The following ZFP90 variants were observed in gnomAD, a reference collection of about 807,000 sequenced individuals.
ZFP90 encodes ZFP90 zinc finger protein, also known as zinc finger protein 90 homolog.
A neutral mutation model predicts 60.8 loss-of-function variants in ZFP90; 38 were observed. The observed-to-expected ratio is 0.62, with a 90% CI of 0.48 to 0.82. ZFP90 has a LOEUF of 0.82. Ranked by LOEUF, ZFP90 falls within the 40% of genes least tolerant of loss-of-function variation. The pLI, the probability that ZFP90 is intolerant of heterozygous loss-of-function variation, is 0.00. For missense variants in ZFP90, 711 were observed against 759.1 expected (o/e 0.94, Z 0.74); for synonymous variants, 287 against 264.8 (o/e 1.08, Z -0.82).
downstream of ZFP90, among the ~76,000 whole-genome samples, chr16:68,569,136 C>T (rs1254328345): frequency 5.7e-5 from 7 of 123,038 alleles, no homozygotes; most frequent in South Asian, 2.5e-4. Context: ...ATTAGTCCCA[C>T]TTTTTTTTTT....
At position 68,566,616 on chromosome 16, in the gene ZFP90, A is replaced by C. The variant is rs563794355; in HGVS notation, c.*1918A>C. The stretch of plus-strand genomic sequence containing the variant: ...GCAGATCTGCCCTTCTGAGATGCTG[A>C]CCATCCAAAACACCTTGTTTATGGT... On this transcript the variant is annotated 3_prime_UTR_variant, in exon 5 of 5. Coordinates refer to ENST00000563169, the MANE Select transcript of ZFP90 (RefSeq NM_001305203.2). 1.0e-6 allele frequency: 1 copy of C among 985,438 alleles called. No homozygotes were observed. The highest frequency in any genetic ancestry group is 1.2e-6 in the Non-Finnish European group (1 of 829,946). 61.0% of individuals were successfully genotyped at this position (985,438 alleles called of 1,614,324 possible). A position where few individuals can be genotyped will look rare whatever the true frequency, so the allele number is the denominator to read the frequency against.
chr16:68,539,541 C>A, intron 1 of ZFP90, 62 bp downstream of exon 1: 1 of 488,356 alleles, frequency 2.0e-6, no homozygotes, highest in East Asian at 3.5e-5. Context: ...CCTCGCCCAC[C>A]ACCCTGCGAA....
At position 68,539,424 on chromosome 16, in the gene ZFP90, C is replaced by T. The variant is rs372296558; in HGVS notation, c.-91C>T. ...CGGGGGCGGGAGGAGCTGCCCGAGG[C>T]TCTGGGTGGGCCGGAGGTCGCGAAA... On this transcript the variant is annotated 5_prime_UTR_variant, in exon 1 of 5. Coordinates refer to ENST00000563169, the MANE Select transcript of ZFP90 (RefSeq NM_001305203.2). 6.0e-6 allele frequency: 2 copies of T among 331,770 alleles called. No homozygotes were observed. Among genetic ancestry groups the T allele is most frequent in the African/African-American group, 2.1e-5 (1 of 47,166 alleles). 20.6% of individuals were successfully genotyped at this position (331,770 alleles called of 1,614,324 possible).
At chr16:68,551,188 T>A (rs988991198) in intron 2 of ZFP90, among the ~76,000 whole-genome samples, 2 of 152,178 alleles carry the variant, frequency 1.3e-5, no homozygotes, top group African/African-American at 4.8e-5. Flanking sequence ...TAAAACTCTT[T>A]ATTTCTGTAG....
At chr16:68,539,896 A>G (rs1318847620) in intron 2 of ZFP90, 71 bp downstream of exon 2, 2 of 1,554,690 alleles carry the variant, frequency 1.3e-6, no homozygotes, top group African/African-American at 2.7e-5. Context: ...GGGTGTTTGG[A>G]GCAGTCATTG....
intron 4 of ZFP90, chr16:68,562,825 C>CT (rs1343766943): frequency 2.0e-6 from 2 of 1,024,272 alleles, no homozygotes; most frequent in Admixed American, 5.3e-5. Flanking sequence ...CCTAGATGGG[C>CT]TTTCCTCATT....
upstream of ZFP90, among the ~76,000 whole-genome samples, chr16:68,536,804 A>G (rs142153270): frequency 1.8e-4 from 28 of 152,262 alleles, no homozygotes; most frequent in East Asian, 5.2e-3. Context: ...CTGGTTACCA[A>G]TTCTGGGACA....
chr16:68,561,853 G>A (rs554659348), intron 4 of ZFP90, among the ~76,000 whole-genome samples: 1 of 152,130 alleles, frequency 6.6e-6, no homozygotes, highest in African/African-American at 2.4e-5. Context: ...GGGATTTAGG[G>A]TCTTATTGTG....
At chr16:68,561,094 C>T (rs942420486) in intron 4 of ZFP90, among the ~76,000 whole-genome samples, 4 of 151,760 alleles carry the variant, frequency 2.6e-5, no homozygotes, top group Admixed American at 6.6e-5. Context: ...AGGGTTTCAC[C>T]GTGTTGCCCA....
upstream of ZFP90, among the ~76,000 whole-genome samples, chr16:68,538,490 A>C (rs953858904): frequency 6.6e-5 from 10 of 152,006 alleles, no homozygotes; most frequent in African/African-American, 2.4e-4. Context: ...TGGGAGGCCG[A>C]GGCGAGTTCG....
At chr16:68,548,544 G>A (rs369671501) in intron 2 of ZFP90, among the ~76,000 whole-genome samples, 1 of 142,988 alleles carries the variant, frequency 7.0e-6, no homozygotes, top group Non-Finnish European at 1.5e-5. Flanking sequence ...AGGCTGGAGT[G>A]CAATGGCGCA....
At chr16:68,533,497 T>C (rs912320245) in intron 1 of ZFP90, among the ~76,000 whole-genome samples, 2 of 152,194 alleles carry the variant, frequency 1.3e-5, no homozygotes, top group Non-Finnish European at 2.9e-5. Flanking sequence ...ACTGTTTCCT[T>C]GTCTATATAT....
intron 2 of ZFP90, among the ~76,000 whole-genome samples, chr16:68,556,153 G>C (rs1231148064): frequency 6.6e-6 from 1 of 152,098 alleles, no homozygotes; most frequent in Non-Finnish European, 1.5e-5. Flanking sequence ...CTGGGTGAGA[G>C]AGTGAGATCC....
intron 2 of ZFP90, among the ~76,000 whole-genome samples, chr16:68,543,475 T>G (rs2091089027): frequency 6.6e-6 from 1 of 152,168 alleles, no homozygotes; most frequent in Admixed American, 6.5e-5. Context: ...GATACCCATT[T>G]AGAATGTTTA....
chr16:68,541,154 A>G (rs1010481613), intron 2 of ZFP90, among the ~76,000 whole-genome samples: 8 of 150,616 alleles, frequency 5.3e-5, no homozygotes, highest in Non-Finnish European at 8.9e-5. Context: ...TCCTGCCTCA[A>G]CCTCCCTAGT....
At chr16:68,548,192 T>C (rs1597724164) in intron 2 of ZFP90, among the ~76,000 whole-genome samples, 1 of 152,286 alleles carries the variant, frequency 6.6e-6, no homozygotes, top group East Asian at 1.9e-4. Context: ...AGCACTCTCT[T>C]GGATGGGTTT....
chr16:68,543,192 A>T (rs775241739), intron 2 of ZFP90, among the ~76,000 whole-genome samples: 1 of 151,028 alleles, frequency 6.6e-6, no homozygotes, highest in African/African-American at 2.4e-5. Context: ...TAGCGGCAAG[A>T]TGTATGTCTG....
At chr16:68,539,857 C>G (rs1156511797) in intron 2 of ZFP90, 32 bp downstream of exon 2, 2 of 1,602,072 alleles carry the variant, frequency 1.2e-6, no homozygotes, top group South Asian at 2.2e-5. Context: ...TCCTGGGCAT[C>G]CCATCCATCT....
intron 2 of ZFP90, 94 bp downstream of exon 2, chr16:68,539,919 C>T: frequency 2.7e-6 from 4 of 1,493,220 alleles, no homozygotes; most frequent in Middle Eastern, 1.7e-4. Flanking sequence ...CTCTGCCTGG[C>T]GACTCCCTTA....
Sources: gnomAD v4.1 joint callset for allele counts (sites outside exome capture counted in the v4.1 genomes callset) on GRCh38, gnomAD v4.1.1 for gene constraint, MANE v1.5 for transcripts, NCBI Gene and HGNC (gene_info 2026-07-23, HGNC 2026-07-21) for gene names.